Variants in LIPC observed in about 807,000 individuals in gnomAD.
LIPC encodes the protein lipase C, hepatic type.
A neutral mutation model predicts 50.7 loss-of-function variants in LIPC; 44 were observed. That is an observed-to-expected ratio of 0.87 (90% CI 0.68 to 1.11). The LOEUF (loss-of-function observed/expected upper bound fraction) is 1.11. LIPC is among the 50% of genes most tolerant of loss of function. The pLI is 0.00. For synonymous variants in LIPC, 271 were observed against 256.4 expected (o/e 1.06, Z -0.54); for missense variants, 697 against 648.2 (o/e 1.08, Z -0.82).
chr15:58,540,595 C>T (rs1347072157), intron 2 of LIPC, among the ~76,000 whole-genome samples: 1 of 152,060 alleles, frequency 6.6e-6, no homozygotes, highest in African/African-American at 2.4e-5. Context: ...CATGACAGGC[C>T]CTCAGGGGAG....
At chr15:58,481,377 A>C (rs1258602322) in intron 1 of LIPC, among the ~76,000 whole-genome samples, 1 of 152,260 alleles carries the variant, frequency 6.6e-6, no homozygotes, top group Non-Finnish European at 1.5e-5. Flanking sequence ...CACATGTATG[A>C]GAAAAGTCAT....
chr15:58,469,739 C>A (rs573325512), intron 1 of LIPC, among the ~76,000 whole-genome samples: 1 of 152,276 alleles, frequency 6.6e-6, no homozygotes, highest in Non-Finnish European at 1.5e-5. Flanking sequence ...AGTGACCCTA[C>A]CCTCTACTAA....
intron 8 of LIPC, chr15:58,566,313 G>A: frequency 2.0e-6 from 2 of 985,420 alleles, no homozygotes; most frequent in Middle Eastern, 5.2e-4. Flanking sequence ...AAAGCAATAT[G>A]GCTGGCAGGA....
chr15:58,554,328 T>C (rs1350571545), intron 6 of LIPC, among the ~76,000 whole-genome samples: 4 of 152,142 alleles, frequency 2.6e-5, no homozygotes, highest in Non-Finnish European at 5.9e-5. Flanking sequence ...CTTTAAGACC[T>C]GAAATAATTT....
chr15:58,537,063 G>A (rs1362926373), intron 1 of LIPC, among the ~76,000 whole-genome samples: 3 of 152,230 alleles, frequency 2.0e-5, no homozygotes, highest in African/African-American at 7.2e-5. Flanking sequence ...GCGGCCTTGT[G>A]TCTGCTCCTC....
intron 7 of LIPC, 57 bp from the exon 8 acceptor site, chr15:58,563,448 C>G (rs1167187823): frequency 1.4e-6 from 2 of 1,403,482 alleles, no homozygotes; most frequent in Non-Finnish European, 2.0e-6. Context: ...TGTGTGTGAC[C>G]GTCACTTTGC....
intron 1 of LIPC, chr15:58,533,251 C>G (rs1192279253): frequency 2.7e-6 from 2 of 744,980 alleles, no homozygotes; most frequent in African/African-American, 3.8e-5. Context: ...TCACTCATAG[C>G]TAAAGCATAT....
intron 1 of LIPC, among the ~76,000 whole-genome samples, chr15:58,536,354 T>C (rs1211637719): frequency 6.6e-6 from 1 of 152,096 alleles, no homozygotes; most frequent in African/African-American, 2.4e-5. Flanking sequence ...TTGGCTGCAA[T>C]ACCATGAAGC....
chr15:58,484,411 G>A (rs1380419272), intron 1 of LIPC, among the ~76,000 whole-genome samples: 1 of 152,224 alleles, frequency 6.6e-6, no homozygotes, highest in Admixed American at 6.5e-5. Flanking sequence ...CATGGAGGGT[G>A]TATCCAGGAT....
chr15:58,496,607 T>A (rs1195933054), intron 1 of LIPC, among the ~76,000 whole-genome samples: 1 of 152,108 alleles, frequency 6.6e-6, no homozygotes, highest in African/African-American at 2.4e-5. Flanking sequence ...TGTCTGACTG[T>A]TTGAAATCAA....
chr15:58,554,162 G>GT (rs1311427806), intron 6 of LIPC, among the ~76,000 whole-genome samples: 12 of 152,128 alleles, frequency 7.9e-5, no homozygotes, highest in Non-Finnish European at 1.3e-4. Context: ...GAAAATGTAA[G>GT]TTTTTTCTTT....
At chr15:58,465,409 A>G (rs45572333) in intron 1 of LIPC, among the ~76,000 whole-genome samples, 1,810 of 152,322 alleles carry the variant, frequency 0.012, 41 homozygotes, top group African/African-American at 0.042. Context: ...TTTCAAATTC[A>G]CATTTTTAGA....
In LIPC at chr15:58,532,047, A is replaced by C. The variant is rs1892975827; in HGVS notation, c.89-6286A>C. Among the ~76,000 whole-genome samples, 2 of 152,202 alleles carry C rather than the reference A, an allele frequency of 1.3e-5. 1 individual carries two copies. Among genetic ancestry groups the C allele is most frequent in the South Asian group, 4.1e-4 (2 of 4,832 alleles). On this transcript the variant is annotated intron_variant, in intron 1 of 8. Transcript: ENST00000299022. ...TCACAAGAGGTGAAGGACAATACAAAGTTTAGTAACTATTGTGCACATTCA... is the reference window on the plus strand; with the variant it reads ...TCACAAGAGGTGAAGGACAATACAACGTTTAGTAACTATTGTGCACATTCA...
At chr15:58,440,875 T>C (rs556952208) in intron 1 of LIPC, among the ~76,000 whole-genome samples, 9 of 151,794 alleles carry the variant, frequency 5.9e-5, no homozygotes, top group African/African-American at 2.2e-4. Context: ...GAGAGTGAAG[T>C]TGGGAATTCT....
chr15:58,560,223 A>T (rs11858020), intron 6 of LIPC, among the ~76,000 whole-genome samples: 63,223 of 152,146 alleles, frequency 0.42, 14,926 homozygotes, highest in Non-Finnish European at 0.54. Flanking sequence ...CAACCAACCC[A>T]TCAGTAGGAG....
In LIPC at chr15:58,474,617, G is replaced by C. The variant is rs375813168; in HGVS notation, c.88+42497G>C. Among the ~76,000 whole-genome samples, 187 of 152,168 alleles carry C rather than the reference G, an allele frequency of 1.2e-3. 9 individuals are homozygous for C. The South Asian group carries it at 0.038, about 31-fold the overall frequency. On this transcript the variant is annotated intron_variant, in intron 1 of 8. Coordinates refer to ENST00000299022, the MANE Select transcript of LIPC (RefSeq NM_000236.3). ...AGCATTTTGTAGAGGAGGAAACAAGGTCTCCCCTACGTTGAGCCCAAATCA... is the reference window on the plus strand; with the variant it reads ...AGCATTTTGTAGAGGAGGAAACAAGCTCTCCCCTACGTTGAGCCCAAATCA...
At position 58,548,544 on chromosome 15, in the gene LIPC, C is replaced by T. The variant is rs758262847; in HGVS notation, c.1023C>T (p.Leu341=). ...GGAGCAAGAGCAAGAGGCTCTTCCT[C>T]GTAACGCGAGCCCAGTCCCCCTTCA... ...EPRSKSKRLF[L]VTRAQSPFKV... Residue 341 remains leucine, a synonymous_variant, in exon 6 of 9, where the codon CTC becomes CTT. Coordinates refer to ENST00000299022, the MANE Select transcript of LIPC (RefSeq NM_000236.3). 4.4e-5 allele frequency: 70 copies of T among 1,594,294 alleles called. No homozygotes were observed. Among genetic ancestry groups the T allele is most frequent in the Non-Finnish European group, 5.6e-5 (66 of 1,170,648 alleles).
At chr15:58,520,749 C>T (rs12324244) in intron 1 of LIPC, among the ~76,000 whole-genome samples, 4,189 of 152,272 alleles carry the variant, frequency 0.028, 166 homozygotes, top group African/African-American at 0.095. Flanking sequence ...CAGCAGGAAG[C>T]CTGATTAATG....
At chr15:58,459,585 G>A (rs995250196) in intron 1 of LIPC, among the ~76,000 whole-genome samples, 6 of 152,130 alleles carry the variant, frequency 3.9e-5, no homozygotes, top group African/African-American at 1.4e-4. Context: ...CAGCAAACAG[G>A]TGTTTAGTCT....
Sources: gnomAD v4.1 joint callset for allele counts (sites outside exome capture counted in the v4.1 genomes callset) on GRCh38, gnomAD v4.1.1 for gene constraint, MANE v1.5 for transcripts, NCBI Gene and HGNC (gene_info 2026-07-23, HGNC 2026-07-21) for gene names.